Variants in FEZF2 observed in about 807,000 individuals in gnomAD.
FEZF2 encodes the protein FEZ family zinc finger 2.
Under a neutral mutation model 32.8 loss-of-function variants are expected in FEZF2, and 2 were observed. The observed-to-expected ratio is 0.06, with a 90% CI of 0.02 to 0.19. The LOEUF (loss-of-function observed/expected upper bound fraction) is 0.19. FEZF2 is among the 10% of genes least tolerant of loss of function. The pLI is 1.00. For synonymous variants in FEZF2, 322 were observed against 284.8 expected (o/e 1.13, Z -1.32); for missense variants, 516 against 625.4 (o/e 0.83, Z 1.87).
rs779530672 is a variant in FEZF2, at chr3:62,372,569, C to T, written c.300G>A (p.Arg100=). 7.2e-7 allele frequency: 1 copy of T among 1,393,074 alleles called. No homozygotes were observed. The highest frequency in any genetic ancestry group is 2.7e-5 in the Admixed American group (1 of 37,434). The allele number at this position is 1,393,074 out of a possible 1,614,324, so 86.3% of individuals were successfully genotyped here. Residue 100 remains arginine, a synonymous_variant, in exon 2 of 5, where the codon CGG becomes CGA. Transcript: ENST00000283268. The surrounding 1 kb of genome is among the most constrained non-coding windows in gnomAD (Gnocchi z 9.6). The stretch of plus-strand genomic sequence containing the variant: ...CGCCGCCGCCTCCGCCGCCGCCCGC[C>T]CGGAGGCTGCTTTTCCAGAGCTCCG... ...SYSELWKSSL[R]AGGGGGGGGG... is the part of the protein sequence containing the mutation.
chr3:62,371,080 C>T, intron 4 of FEZF2, 137 bp downstream of exon 4: 1 of 1,319,524 alleles, frequency 7.6e-7, no homozygotes, highest in South Asian at 1.3e-5. Context: ...AGGCACAACC[C>T]GATTCTAAAG....
rs775975632 is a variant in FEZF2 at position 62,371,593 on chromosome 3, G to A, written c.927C>T (p.Val309=). Residue 309 remains valine, a synonymous_variant, in exon 3 of 5, where the codon GTC becomes GTT. Transcript: ENST00000283268. Reference sequence around the variant, plus strand: ...TGGCCTGGCGAAAGCCTTTGCCGCAGACTTTGCACACGAACGGTCTGGCTC... The same window carrying A: ...TGGCCTGGCGAAAGCCTTTGCCGCAAACTTTGCACACGAACGGTCTGGCTC... ...HTGARPFVCK[V]CGKGFRQAST... The A allele has an allele frequency of 1.2e-6, 2 of 1,614,232 alleles. No homozygotes were observed. The highest frequency in any genetic ancestry group is 1.7e-6 in the Non-Finnish European group (2 of 1,180,042).
intron 3 of FEZF2, 32 bp from the exon 4 acceptor site, chr3:62,371,381 A>G (rs1704266217): frequency 3.7e-6 from 6 of 1,605,056 alleles, no homozygotes; most frequent in Non-Finnish European, 5.1e-6. Flanking sequence ...CAGTAAGGAG[A>G]GGCCACCTCG....
Position 62,372,419 on chromosome 3 carries a change from C to T in FEZF2, c.450G>A (p.Arg150=). ...GLAPSALPAG[R]VIKPQVINQA... is the part of the protein sequence containing the mutation. ...GGTTGATGACCTGCGGCTTGATGAC[C>T]CTGCCCGCGGGCAGCGCGGACGGCG... Residue 150 remains arginine (R), a synonymous_variant, in exon 2 of 5, where the codon AGG becomes AGA. Coordinates refer to ENST00000283268, the MANE Select transcript of FEZF2 (RefSeq NM_018008.4). This position sits in a 1 kb window ranked among gnomAD's most constrained non-coding sequence, Gnocchi z 9.6. 2 of 1,610,578 alleles carry T rather than the reference C, an allele frequency of 1.2e-6. No homozygotes were observed. Among genetic ancestry groups the T allele is most frequent in the Non-Finnish European group, 1.7e-6 (2 of 1,179,432 alleles).
chr3:62,372,710 T>C lies in FEZF2; in HGVS notation c.159A>G (p.Leu53=). 1.9e-6 allele frequency: 3 copies of C among 1,609,510 alleles called. No individual in the cohort carries two copies. In the South Asian group the frequency reaches 3.3e-5, roughly 18 times the overall value. The change falls in exon 2 of 5, where the codon CTA becomes CTG. Residue 53 remains leucine, a synonymous_variant. Transcript: ENST00000283268. This position sits in a 1 kb window ranked among gnomAD's most constrained non-coding sequence, Gnocchi z 9.6. ...RAPFEPRPGA[L]EADGSQGKKL... ...TCTTGCCCTGGCTGCCGTCCGCCTC[T>C]AGCGCTCCAGGCCGGGGCTCAAAGG...
intron 4 of FEZF2, 147 bp downstream of exon 4, chr3:62,371,070 A>C (rs1382274234): frequency 5.8e-6 from 7 of 1,214,002 alleles, no homozygotes; most frequent in Non-Finnish European, 8.3e-6. Context: ...CCCCTACACC[A>C]GGCACAACCC....
At chr3:62,371,895 G>C in intron 2 of FEZF2, 122 bp downstream of exon 2, 1 of 1,447,234 alleles carries the variant, frequency 6.9e-7, no homozygotes, top group Non-Finnish European at 9.1e-7. Context: ...GAGGCTCCCA[G>C]TTTGGGTAGT....
At chr3:62,371,967 C>T (rs1704276105) in intron 2 of FEZF2, 50 bp downstream of exon 2, 1 of 1,574,444 alleles carries the variant, frequency 6.4e-7, no homozygotes, top group Non-Finnish European at 8.6e-7. Context: ...AAGGAAGCCG[C>T]CGCCGCCGAT....
In FEZF2 at chr3:62,370,336, T is replaced by C; in HGVS notation, c.1127A>G (p.Tyr376Cys). Residue 376 changes from tyrosine (Y) to cysteine (C), a missense_variant, in exon 5 of 5, where the codon TAC becomes TGC. This residue lies in a region of FEZF2 where 79 missense variants were observed against 219.4 expected (regional missense o/e 0.36). Coordinates refer to ENST00000283268, the MANE Select transcript of FEZF2 (RefSeq NM_018008.4). The surrounding 1 kb of genome is among the most constrained non-coding windows in gnomAD (Gnocchi z 4.2). Reference protein sequence around the residue: ...CGKGFHQKGNYKNHKLTHSGE... With the variant: ...CGKGFHQKGNCKNHKLTHSGE... The stretch of plus-strand genomic sequence containing the variant: ...GCTGTGGGTCAGCTTGTGGTTCTTG[T>C]AGTTCCCTACAACAGATCAAGAACA... The C allele has an allele frequency of 6.2e-7, 1 of 1,614,218 alleles. No homozygotes were observed.
At chr3:62,371,893 C>A in intron 2 of FEZF2, 124 bp downstream of exon 2, 1 of 1,444,482 alleles carries the variant, frequency 6.9e-7, no homozygotes, top group East Asian at 2.5e-5. Flanking sequence ...ACGAGGCTCC[C>A]AGTTTGGGTA....
In FEZF2 at chr3:62,372,725, G is replaced by C; in HGVS notation, c.144C>G (p.Pro48=). 2 of 1,609,504 alleles carry C rather than the reference G, an allele frequency of 1.2e-6. No homozygotes were observed. Among genetic ancestry groups the C allele is most frequent in the Non-Finnish European group, 1.7e-6 (2 of 1,177,944 alleles). ...KTSEPRAPFE[P]RPGALEADGS... is the part of the protein sequence containing the mutation. ...CGTCCGCCTCTAGCGCTCCAGGCCG[G>C]GGCTCAAAGGGCGCACGGGGCTCCG... Residue 48 remains proline (P), a synonymous_variant, in exon 2 of 5, where the codon CCC becomes CCG. Coordinates refer to ENST00000283268, the MANE Select transcript of FEZF2 (RefSeq NM_018008.4). This position sits in a 1 kb window ranked among gnomAD's most constrained non-coding sequence, Gnocchi z 9.6.
chr3:62,372,865 C>A lies in FEZF2; in HGVS notation c.4G>T (p.Ala2Ser). 1 of 1,429,254 alleles carries A rather than the reference C, an allele frequency of 7.0e-7. No individual in the cohort carries two copies. The highest frequency in any genetic ancestry group is 9.2e-7 in the Non-Finnish European group (1 of 1,082,374). 88.5% of individuals were successfully genotyped at this position (1,429,254 alleles called of 1,614,324 possible). Residue 2 changes from alanine (A) to serine (S), a missense_variant, in exon 2 of 5, where the codon GCA becomes TCA. This residue lies in a region of FEZF2 where 408 missense variants were observed against 382.2 expected (regional missense o/e 1.07). Coordinates refer to ENST00000283268, the MANE Select transcript of FEZF2 (RefSeq NM_018008.4). The surrounding 1 kb of genome is among the most constrained non-coding windows in gnomAD (Gnocchi z 9.6). ...ATGGTCTCCAGGGAAGCCGAGCTTG[C>A]CATGGCGCGCGGAGCTGAGCCGAGC... M[A>S]SSASLETMVP...
At chr3:62,371,170 G>A (rs1576275217) in intron 4 of FEZF2, 47 bp downstream of exon 4, 2 of 1,613,708 alleles carry the variant, frequency 1.2e-6, no homozygotes, top group Non-Finnish European at 1.7e-6. Context: ...GCCGCGACCC[G>A]AGTCCTGAGG....
At position 62,372,942 on chromosome 3, in the gene FEZF2, G is replaced by A. The variant is rs1303556759; in HGVS notation, c.-58-16C>T. 7.7e-7 allele frequency: 1 copy of A among 1,304,616 alleles called. No individual in the cohort carries two copies. The allele number at this position is 1,304,616 out of a possible 1,614,324, so 80.8% of individuals were successfully genotyped here. On this transcript the variant is annotated splice_polypyrimidine_tract_variant and intron_variant, in intron 1 of 4. Transcript: ENST00000283268. The surrounding 1 kb of genome is among the most constrained non-coding windows in gnomAD (Gnocchi z 9.6). ...TCCTCTAAGTCTGCATTCCGGAAAA[G>A]GCAGGGGGGAAAACTGCAATTTAAT...
chr3:62,370,838 A>G lies in FEZF2; in HGVS notation c.1120+379T>C, dbSNP rs758527218. 2.0e-5 allele frequency among the ~76,000 whole-genome samples: 3 copies of G among 152,184 alleles called. No individual in the cohort carries two copies. Among genetic ancestry groups the G allele is most frequent in the Non-Finnish European group, 2.9e-5 (2 of 68,024 alleles). ...CCAAGGATCATACCGGTTTCCCCCAATCTTAGATTGTTCCCGGGAGGGTTA... is the reference window on the plus strand; with the variant it reads ...CCAAGGATCATACCGGTTTCCCCCAGTCTTAGATTGTTCCCGGGAGGGTTA... On this transcript the variant is annotated intron_variant, in intron 4 of 4. Transcript: ENST00000283268. This position sits in a 1 kb window ranked among gnomAD's most constrained non-coding sequence, Gnocchi z 4.2.
Position 62,372,611 on chromosome 3 carries a change from C to A in FEZF2, c.258G>T (p.Lys86Asn). The A allele has an allele frequency of 6.4e-7, 1 of 1,559,932 alleles. No homozygotes were observed. The change falls in exon 2 of 5, where the codon AAG becomes AAT. Residue 86 changes from lysine to asparagine, a missense_variant. This residue lies in a region of FEZF2 where 408 missense variants were observed against 382.2 expected (regional missense o/e 1.07). Coordinates refer to ENST00000283268, the MANE Select transcript of FEZF2 (RefSeq NM_018008.4). This position sits in a 1 kb window ranked among gnomAD's most constrained non-coding sequence, Gnocchi z 9.6. ...LQPLGYEVPS[K>N]TLLSYSELWK... ...AGAGCTCCGAGTAACTGAGCAGTGT[C>A]TTTGACGGCACCTCGTAGCCTAGGG...
Position 62,370,423 on chromosome 3 carries a change from C to G in FEZF2, c.1121-81G>C. 6.7e-7 allele frequency: 1 copy of G among 1,486,648 alleles called. No homozygotes were observed. Among genetic ancestry groups the G allele is most frequent in the Middle Eastern group, 2.4e-4 (1 of 4,144 alleles). 92.1% of individuals were successfully genotyped at this position (1,486,648 alleles called of 1,614,324 possible). A position where few individuals can be genotyped will look rare whatever the true frequency, so the allele number is the denominator to read the frequency against. ...AAGAGGCGGGCGTCCCAGGGGCAGCCCAGGTGCCTGCTCAAAAAAGGCGAC... is the reference window on the plus strand; with the variant it reads ...AAGAGGCGGGCGTCCCAGGGGCAGCGCAGGTGCCTGCTCAAAAAAGGCGAC... On this transcript the variant is annotated intron_variant, in intron 4 of 4. Coordinates refer to ENST00000283268, the MANE Select transcript of FEZF2 (RefSeq NM_018008.4). This position sits in a 1 kb window ranked among gnomAD's most constrained non-coding sequence, Gnocchi z 4.2.
In FEZF2 at chr3:62,372,521, CCCG is replaced by C. The variant is rs753783625; in HGVS notation, c.345_347del (p.Gly117del). 136 of 1,292,750 alleles carry C rather than the reference CCCG, an allele frequency of 1.1e-4. No individual in the cohort carries two copies. The highest frequency in any genetic ancestry group is 7.0e-4 in the South Asian group (22 of 31,412). The allele number at this position is 1,292,750 out of a possible 1,614,324, so 80.1% of individuals were successfully genotyped here. ...CGCTGGCGCCGCACACTGGGGCCCC[CCCG>C]CCGCCGCCGCCGCCACCGCCGCCGC... On this transcript the variant is annotated inframe_deletion, in exon 2 of 5. Coordinates refer to ENST00000283268, the MANE Select transcript of FEZF2 (RefSeq NM_018008.4). The surrounding 1 kb of genome is among the most constrained non-coding windows in gnomAD (Gnocchi z 9.6).
At chr3:62,371,948 G>C in intron 2 of FEZF2, 69 bp downstream of exon 2, 1 of 1,548,382 alleles carries the variant, frequency 6.5e-7, no homozygotes, top group Non-Finnish European at 8.7e-7. Context: ...GGGCATTCCA[G>C]GCTGCCCCAA....
Sources: allele counts gnomAD v4.1 joint callset (sites outside exome capture counted in the v4.1 genomes callset), GRCh38; gene constraint gnomAD v4.1.1; regional missense constraint gnomAD v4.1.1; non-coding constraint Gnocchi (gnomAD v3.1); transcripts MANE v1.5; gene names NCBI Gene and HGNC (gene_info 2026-07-23, HGNC 2026-07-21).